Variants in PEX5 observed in about 807,000 individuals in gnomAD.
PEX5 encodes PTS1 receptor.
A neutral mutation model predicts 82.9 loss-of-function variants in PEX5; 52 were observed. The ratio of observed to expected loss-of-function variants is 0.63; its 90% CI spans 0.50 to 0.79. The LOEUF (loss-of-function observed/expected upper bound fraction) is 0.79. PEX5 is among the 30% of genes least tolerant of loss of function. The pLI is 0.00. For synonymous variants in PEX5, 300 were observed against 318.8 expected, an observed-to-expected ratio of 0.94 and a Z score of 0.63; for missense variants, 719 against 815.2, an observed-to-expected ratio of 0.88 and a Z score of 1.44.
At position 7,217,523 on chromosome 12, in the gene PEX5, A is replaced by T. The variant is rs755072606; in HGVS notation, c.*20-879A>T. ...ATGGTGGTCTCAGGGTGTCAAAATGACAGAGCAGGAACTGCAAAGCCTCTC... is the reference window on the plus strand; with the variant it reads ...ATGGTGGTCTCAGGGTGTCAAAATGTCAGAGCAGGAACTGCAAAGCCTCTC... On this transcript the variant is annotated intron_variant, in intron 17 of 17. Transcript: ENST00000455147. Among the ~76,000 whole-genome samples, 12 of 152,368 alleles carry T rather than the reference A, an allele frequency of 7.9e-5. No homozygotes were observed. In the East Asian group the frequency reaches 2.1e-3, roughly 27 times the overall value.
At position 7,208,691 on chromosome 12, in the gene PEX5, G is replaced by A. The variant is rs73051959; in HGVS notation, c.1394+22G>A. On this transcript the variant is annotated intron_variant, in intron 13 of 15. Transcript: ENST00000675855. ...CTGAGTGAGTATGAGGGGTTCCTAG[G>A]ATGAGGAATTACAGTAACCTAAGTC... 0.021 allele frequency: 33,932 copies of A among 1,587,942 alleles called. 495 individuals are homozygous for A. The highest frequency in any genetic ancestry group is 0.038 in the South Asian group (3,445 of 90,576).
chr12:7,212,050 C>T (rs1565730313), downstream of PEX5, among the ~76,000 whole-genome samples: 1 of 151,384 alleles, frequency 6.6e-6, no homozygotes, highest in Admixed American at 6.6e-5. Flanking sequence ...ACTGCAGCCT[C>T]CGCCTCCTGG....
At chr12:7,212,186 A>G (rs2136285322), downstream of PEX5, among the ~76,000 whole-genome samples, 1 of 152,146 alleles carries the variant, frequency 6.6e-6, no homozygotes, top group Admixed American at 6.5e-5. Flanking sequence ...GCTGGTCTCG[A>G]ACGCCCGACC....
At chr12:7,189,848 A>G in intron 1 of PEX5, 98 bp downstream of exon 1, 1 of 1,226,426 alleles carries the variant, frequency 8.2e-7, no homozygotes, top group Non-Finnish European at 1.1e-6. Context: ...CTGGAGCGGC[A>G]GCAGGGCCGG....
intron 7 of PEX5, 58 bp from the exon 8 acceptor site, chr12:7,202,183 G>T (rs902243285): frequency 9.9e-6 from 16 of 1,612,770 alleles, no homozygotes; most frequent in Middle Eastern, 1.9e-4. Context: ...GGGCATGGTT[G>T]AGAGTGCACA....
At chr12:7,201,932 A>G in intron 7 of PEX5, 91 bp downstream of exon 7, 1 of 946,130 alleles carries the variant, frequency 1.1e-6, no homozygotes, top group Non-Finnish European at 1.7e-6. Context: ...GTTTAAAGAG[A>G]AGGAGAAGAG....
At chr12:7,202,400 C>A in intron 8 of PEX5, 49 bp downstream of exon 8, 1 of 1,607,490 alleles carries the variant, frequency 6.2e-7, no homozygotes, top group Non-Finnish European at 8.5e-7. Context: ...GCTGATGCCC[C>A]AGGCCATGGG....
In PEX5 at chr12:7,191,644, TA is replaced by T; in HGVS notation, c.394del (p.Thr132LeufsTer85). ...CTTGCAGCTGGAGATGCTGTGGATG[TA>T]ACTCAGGATTATAATGAGACTGACT... ...EFLAAGDAVD[V>X]TQDYNETDWS... On this transcript the variant is annotated frameshift_variant, in exon 5 of 16. Coordinates refer to ENST00000675855, the MANE Select transcript of PEX5 (RefSeq NM_001351132.2). LOFTEE classifies it high-confidence loss of function. 1 of 1,613,672 alleles carries T rather than the reference TA, an allele frequency of 6.2e-7. No homozygotes were observed.
Position 7,202,334 on chromosome 12 carries a change from G to A in PEX5, c.736G>A (p.Glu246Lys). 1 of 1,614,148 alleles carries A rather than the reference G, an allele frequency of 6.2e-7. No individual in the cohort carries two copies. The highest frequency in any genetic ancestry group is 8.5e-7 in the Non-Finnish European group (1 of 1,180,024). The stretch of plus-strand genomic sequence containing the variant: ...AGCTCAGGCAGAACAGTGGGCAGCA[G>A]AGTTTATACAGCAGCAGGTAGGACA... ...GRAQAEQWAAEFIQQQGTSDA... is the reference protein window; with the variant it reads ...GRAQAEQWAAKFIQQQGTSDA... The change falls in exon 8 of 16, where the codon GAG becomes AAG. Residue 246 changes from glutamate (E) to lysine (K), a missense_variant. Coordinates refer to ENST00000675855, the MANE Select transcript of PEX5 (RefSeq NM_001351132.2).
chr12:7,217,654 G>A (rs769120783), intron 17 of PEX5, among the ~76,000 whole-genome samples: 1 of 152,350 alleles, frequency 6.6e-6, no homozygotes, highest in South Asian at 2.1e-4. Flanking sequence ...ACAGGCAGGA[G>A]GTCAGACTGC....
intron 5 of PEX5, among the ~76,000 whole-genome samples, chr12:7,193,104 C>T (rs909906998): frequency 6.6e-6 from 1 of 152,196 alleles, no homozygotes; most frequent in Non-Finnish European, 1.5e-5. Flanking sequence ...GTAACAGTAA[C>T]ACAAGGTGGA....
rs989415654 is a variant in PEX5 at position 7,189,746 on chromosome 12, C to T, written c.-21C>T. 5 of 425,634 alleles carry T rather than the reference C, an allele frequency of 1.2e-5. No individual in the cohort carries two copies. Among genetic ancestry groups the T allele is most frequent in the Non-Finnish European group, 1.6e-5 (4 of 256,672 alleles). 26.4% of individuals were successfully genotyped at this position (425,634 alleles called of 1,614,324 possible). On this transcript the variant is annotated 5_prime_UTR_variant, in exon 1 of 16. Transcript: ENST00000675855. The stretch of plus-strand genomic sequence containing the variant: ...CCGGCGGGTCGTGCGGCGCGGCGCT[C>T]CGCGGTGAGCGCCTGACCCCGAGGG...
chr12:7,195,754 G>A (rs1342788364), intron 5 of PEX5, among the ~76,000 whole-genome samples: 1 of 151,464 alleles, frequency 6.6e-6, no homozygotes, highest in Admixed American at 6.6e-5. Flanking sequence ...AGTTGAGGAG[G>A]TAGTAGTTAT....
At position 7,197,144 on chromosome 12, in the gene PEX5, A is replaced by ATTATATATGACATATATAATG. The variant is rs1942612575; in HGVS notation, c.449-1866_449-1865insTATATATGACATATATAATGT. On this transcript the variant is annotated intron_variant, in intron 5 of 15. Transcript: ENST00000675855. ...AATAATATATGTCATATATAATGTA[A>ATTATATATGACATATATAATG]TAATTATATATGTCATATATAATGT... Among the ~76,000 whole-genome samples, 2 of 5,686 alleles carry ATTATATATGACATATATAATG rather than the reference A, an allele frequency of 3.5e-4. 1 individual carries two copies. The highest frequency in any genetic ancestry group is 4.9e-4 in the African/African-American group (2 of 4,112). 3.7% of individuals were successfully genotyped at this position (5,686 alleles called of 152,430 possible).
chr12:7,189,734 C>T lies in PEX5; in HGVS notation c.-33C>T. ...GCACCTGGTGCCCCGGCGGGTCGTGCGGCGCGGCGCTCCGCGGTGAGCGCC... is the reference window on the plus strand; with the variant it reads ...GCACCTGGTGCCCCGGCGGGTCGTGTGGCGCGGCGCTCCGCGGTGAGCGCC... On this transcript the variant is annotated 5_prime_UTR_variant, in exon 1 of 16. Coordinates refer to ENST00000675855, the MANE Select transcript of PEX5 (RefSeq NM_001351132.2). 5.0e-6 allele frequency: 2 copies of T among 401,670 alleles called. No individual in the cohort carries two copies. Among genetic ancestry groups the T allele is most frequent in the Non-Finnish European group, 8.5e-6 (2 of 236,216 alleles). The allele number at this position is 401,670 out of a possible 1,614,324, so 24.9% of individuals were successfully genotyped here.
At chr12:7,191,728 T>G in intron 5 of PEX5, 28 bp downstream of exon 5, 1 of 1,605,148 alleles carries the variant, frequency 6.2e-7, no homozygotes, top group South Asian at 1.1e-5. Context: ...AAAATCTATA[T>G]TGGCTTCTAT....
At chr12:7,207,564 C>A in intron 10 of PEX5, 95 bp from the exon 11 acceptor site, 1 of 1,202,696 alleles carries the variant, frequency 8.3e-7, no homozygotes, top group Non-Finnish European at 1.2e-6. Context: ...TGTTTGGAGG[C>A]CCTCAGCTTC....
chr12:7,205,028 A>G (rs902264465), intron 10 of PEX5, among the ~76,000 whole-genome samples: 5 of 152,218 alleles, frequency 3.3e-5, no homozygotes, highest in African/African-American at 9.7e-5. Context: ...ACTTAATCCA[A>G]AATGGCTTAA....
intron 5 of PEX5, among the ~76,000 whole-genome samples, chr12:7,194,947 C>T (rs141955711): frequency 2.4e-4 from 37 of 152,252 alleles, no homozygotes; most frequent in East Asian, 5.8e-4. Flanking sequence ...TGGTTTTCAC[C>T]GCAGCCCCTA....
Sources: allele counts gnomAD v4.1 joint callset (sites outside exome capture counted in the v4.1 genomes callset), GRCh38; gene constraint gnomAD v4.1.1; transcripts MANE v1.5; gene names NCBI Gene and HGNC (gene_info 2026-07-23, HGNC 2026-07-21).